CTNNA3: variants seen among roughly 807,000 people sequenced by gnomAD.
The protein encoded by CTNNA3 is catenin alpha-3.
Under a neutral mutation model 95.7 loss-of-function variants are expected in CTNNA3, and 76 were observed. The observed-to-expected ratio is 0.79, with a 90% CI of 0.66 to 0.96. CTNNA3 has a LOEUF of 0.96. Among genes scored for constraint, CTNNA3 ranks in the 40% least tolerant of loss-of-function variants. CTNNA3 has a pLI of 0.00. For synonymous variants in CTNNA3, 431 were observed against 374.4 expected (o/e 1.15, Z -1.74); for missense variants, 1,191 against 1,089.8 (o/e 1.09, Z -1.31).
chr10:67,071,446 A>G (rs779916071), intron 7 of CTNNA3, among the ~76,000 whole-genome samples: 1 of 149,060 alleles, frequency 6.7e-6, no homozygotes, highest in Non-Finnish European at 1.5e-5. Context: ...CATTTCATTT[A>G]TCTTCTCACT....
intron 5 of CTNNA3, among the ~76,000 whole-genome samples, chr10:67,365,640 G>GAC (rs1843183030): frequency 1.3e-5 from 2 of 152,178 alleles, no homozygotes; most frequent in Non-Finnish European, 2.9e-5. Flanking sequence ...CATCATCACT[G>GAC]GTCATCAGAG....
At position 66,889,790 on chromosome 10, in the gene CTNNA3, C is replaced by CT. The variant is rs71468807; in HGVS notation, c.1048-114267dup. Among the ~76,000 whole-genome samples the CT allele has an allele frequency of 2.5e-3, 332 of 131,046 alleles. 1 individual carries two copies. The highest frequency in any genetic ancestry group is 6.4e-3 in the South Asian group (25 of 3,900). The allele number at this position is 131,046 out of a possible 152,430, so 86.0% of individuals were successfully genotyped here. ...GGGGAAGATCAGGGGAACCACAGAC[C>CT]TTTTTTTTTTTTTTTTTTGAGACAG... On this transcript the variant is annotated intron_variant, in intron 7 of 17. Transcript: ENST00000433211.
At chr10:67,555,616 C>T (rs2133240646) in intron 3 of CTNNA3, among the ~76,000 whole-genome samples, 1 of 152,282 alleles carries the variant, frequency 6.6e-6, no homozygotes, top group East Asian at 1.9e-4. Context: ...TATCCTGAGA[C>T]TTTGTTGAAG....
chr10:67,599,354 A>G (rs1316808818), intron 3 of CTNNA3, among the ~76,000 whole-genome samples: 1 of 152,230 alleles, frequency 6.6e-6, no homozygotes, highest in African/African-American at 2.4e-5. Context: ...GTATATAACC[A>G]AAACTTACTA....
chr10:66,789,669 T>A (rs1436541536), intron 7 of CTNNA3, among the ~76,000 whole-genome samples: 2 of 152,160 alleles, frequency 1.3e-5, no homozygotes, highest in Non-Finnish European at 2.9e-5. Flanking sequence ...TCTTGTGGGT[T>A]CTAGGTACTG....
At chr10:66,872,478 G>C (rs777246982) in intron 7 of CTNNA3, among the ~76,000 whole-genome samples, 4 of 152,010 alleles carry the variant, frequency 2.6e-5, no homozygotes, top group Non-Finnish European at 5.9e-5. Flanking sequence ...AAACCAGCCT[G>C]GCCATCATGG....
chr10:66,617,407 T>C (rs561758078), intron 10 of CTNNA3, among the ~76,000 whole-genome samples: 1 of 152,184 alleles, frequency 6.6e-6, no homozygotes, highest in African/African-American at 2.4e-5. Context: ...TGGTTCAATA[T>C]ACGCAAATCA....
chr10:67,016,336 A>C (rs72804684), intron 7 of CTNNA3, among the ~76,000 whole-genome samples: 7,497 of 152,080 alleles, frequency 0.049, 268 homozygotes, highest in Middle Eastern at 0.085. Flanking sequence ...CAAATATTTT[A>C]TTTTCTTAAC....
At chr10:66,714,020 A>G (rs1352177241) in intron 9 of CTNNA3, among the ~76,000 whole-genome samples, 1 of 152,152 alleles carries the variant, frequency 6.6e-6, no homozygotes, top group Admixed American at 6.5e-5. Flanking sequence ...AAGTAAAAAT[A>G]CCCATTCTGA....
chr10:67,306,020 C>T (rs1840539888), intron 5 of CTNNA3, among the ~76,000 whole-genome samples: 1 of 152,074 alleles, frequency 6.6e-6, no homozygotes, highest in South Asian at 2.1e-4. Context: ...TGAAATTTGC[C>T]AGAGGAGTTT....
In CTNNA3 at chr10:66,155,094, T is replaced by C. The variant is rs549076114; in HGVS notation, c.1885-51845A>G. Among the ~76,000 whole-genome samples the C allele has an allele frequency of 1.5e-4, 23 of 151,914 alleles. No individual in the cohort carries two copies. The South Asian group carries it at 4.6e-3, about 30-fold the overall frequency. On this transcript the variant is annotated intron_variant, in intron 13 of 17. Coordinates refer to ENST00000433211, the MANE Select transcript of CTNNA3 (RefSeq NM_013266.4). ...CCTGCGGGCTGTAGTTTTTCAATCT[T>C]TGCTCAAGAGTATAGTGTGAAACAA...
At chr10:67,399,232 T>C (rs1307757869) in intron 5 of CTNNA3, among the ~76,000 whole-genome samples, 1 of 152,120 alleles carries the variant, frequency 6.6e-6, no homozygotes, top group African/African-American at 2.4e-5. Flanking sequence ...TAAATGCACC[T>C]GCACAGTTCA....
chr10:67,403,985 C>T (rs1329619527), intron 5 of CTNNA3, among the ~76,000 whole-genome samples: 2 of 152,152 alleles, frequency 1.3e-5, no homozygotes. Flanking sequence ...GAAAAGTGGT[C>T]AGACTGTTCA....
chr10:66,027,974 T>C (rs767257240), intron 15 of CTNNA3, among the ~76,000 whole-genome samples: 11 of 152,172 alleles, frequency 7.2e-5, no homozygotes, highest in Non-Finnish European at 1.2e-4. Flanking sequence ...AAAGGACAGA[T>C]TCATCCTACT....
intron 1 of CTNNA3, among the ~76,000 whole-genome samples, chr10:67,681,269 A>G (rs986679169): frequency 1.3e-5 from 2 of 152,226 alleles, no homozygotes; most frequent in African/African-American, 4.8e-5. Flanking sequence ...CCTTCCAGTT[A>G]TTAAAACATA....
chr10:66,305,528 A>G (rs1402738071), intron 12 of CTNNA3, among the ~76,000 whole-genome samples: 3 of 152,208 alleles, frequency 2.0e-5, no homozygotes, highest in Admixed American at 2.0e-4. Flanking sequence ...GCAAAATATA[A>G]TTAGCACAAG....
At chr10:66,237,445 G>T (rs1028370159) in intron 13 of CTNNA3, among the ~76,000 whole-genome samples, 1 of 151,638 alleles carries the variant, frequency 6.6e-6, no homozygotes, top group Non-Finnish European at 1.5e-5. Context: ...GATCCTCCTT[G>T]GCCCGAAATG....
intron 7 of CTNNA3, among the ~76,000 whole-genome samples, chr10:67,089,499 A>G (rs1410244495): frequency 6.6e-6 from 1 of 152,096 alleles, no homozygotes; most frequent in Non-Finnish European, 1.5e-5. Context: ...CTCTTCGAAC[A>G]AATAAATCAG....
At chr10:66,562,684 A>C (rs1842589414) in intron 10 of CTNNA3, among the ~76,000 whole-genome samples, 1 of 152,080 alleles carries the variant, frequency 6.6e-6, no homozygotes, top group Non-Finnish European at 1.5e-5. Flanking sequence ...TCATTGGATT[A>C]TGCTAATATG....
Sources: allele counts gnomAD v4.1 joint callset (sites outside exome capture counted in the v4.1 genomes callset), GRCh38; gene constraint gnomAD v4.1.1; transcripts MANE v1.5; gene names NCBI Gene and HGNC (gene_info 2026-07-23, HGNC 2026-07-21).